UBE4B: variants seen among roughly 807,000 people sequenced by gnomAD.
UBE4B encodes ubiquitin conjugation factor E4 B.
In UBE4B, 27 loss-of-function variants were observed where a neutral mutation model predicts 148.1. The observed-to-expected ratio is 0.18, with a 90% CI of 0.13 to 0.25. The LOEUF (loss-of-function observed/expected upper bound fraction) is 0.25. Ranked by LOEUF, UBE4B falls within the 10% of genes least tolerant of loss-of-function variation. The pLI, the probability that UBE4B is intolerant of heterozygous loss-of-function variation, is 1.00. For synonymous variants in UBE4B, 596 were observed against 619.3 expected (o/e 0.96, Z 0.56); for missense variants, 1,170 against 1,662.4 (o/e 0.70, Z 5.15).
chr1:10,078,934 A>C (rs1644628775), intron 2 of UBE4B, among the ~76,000 whole-genome samples: 3 of 152,150 alleles, frequency 2.0e-5, no homozygotes, highest in Admixed American at 2.0e-4. Context: ...CTCCTGCTTC[A>C]GCCTCAGAAG....
At chr1:10,160,091 T>G (rs77148178) in intron 22 of UBE4B, among the ~76,000 whole-genome samples, 2,659 of 152,320 alleles carry the variant, frequency 0.017, 35 homozygotes, top group Non-Finnish European at 0.027. Context: ...TGTAGCTTCT[T>G]TTTTTCTCTA....
At chr1:10,046,717 T>C (rs12406448) in intron 1 of UBE4B, among the ~76,000 whole-genome samples, 4,954 of 152,264 alleles carry the variant, frequency 0.033, 339 homozygotes, top group Admixed American at 0.16. Context: ...AGATCTGAAG[T>C]GGACATTGGA....
At chr1:10,119,647 G>A (rs554541471) in intron 9 of UBE4B, 34 bp downstream of exon 9, 3 of 1,594,298 alleles carry the variant, frequency 1.9e-6, no homozygotes, top group South Asian at 2.2e-5. Flanking sequence ...GACATTAGCA[G>A]GCAGAGAGCC....
At chr1:10,103,632 G>GT (rs1186811301) in intron 5 of UBE4B, among the ~76,000 whole-genome samples, 3,626 of 106,470 alleles carry the variant, frequency 0.034, 69 homozygotes, top group Non-Finnish European at 0.043. Context: ...TTTTGTTTTT[G>GT]TTTTTTTTTT....
chr1:10,131,596 G>T (rs192205979), intron 14 of UBE4B, among the ~76,000 whole-genome samples: 2 of 152,296 alleles, frequency 1.3e-5, no homozygotes, highest in South Asian at 2.1e-4. Context: ...CCGGCTGGGC[G>T]TGTTGGCTAA....
intron 10 of UBE4B, among the ~76,000 whole-genome samples, chr1:10,126,350 GATA>G (rs1645496637): frequency 6.6e-6 from 1 of 150,880 alleles, no homozygotes; most frequent in Non-Finnish European, 1.5e-5. Flanking sequence ...TAGATAGATA[GATA>G]GAAAGGAGGA....
rs770966208 is a variant in UBE4B, at chr1:10,106,590, A to G, written c.1196+7A>G. On this transcript the variant is annotated splice_region_variant and intron_variant, in intron 7 of 27. Coordinates refer to ENST00000343090, the MANE Select transcript of UBE4B (RefSeq NM_001105562.3). This position sits in a 1 kb window ranked among gnomAD's most constrained non-coding sequence, Gnocchi z 4.2. ...CCCTGAGGATCTCTCCTAGGTATTTATCCCACAGGAGAGTTGCATGTGTGT... is the reference window on the plus strand; with the variant it reads ...CCCTGAGGATCTCTCCTAGGTATTTGTCCCACAGGAGAGTTGCATGTGTGT... The G allele has an allele frequency of 6.5e-7, 1 of 1,534,116 alleles. No individual in the cohort carries two copies.
chr1:10,035,389 GTTTTTTTTTTTT>G (rs533941719), intron 1 of UBE4B, among the ~76,000 whole-genome samples: 10 of 65,822 alleles, frequency 1.5e-4, no homozygotes, highest in Admixed American at 2.2e-4. Flanking sequence ...CAGAGATACT[GTTTTTTTTTTTT>G]TTTTTTTTTT....
At chr1:10,146,399 C>T (rs779885349) in intron 18 of UBE4B, among the ~76,000 whole-genome samples, 13 of 152,054 alleles carry the variant, frequency 8.5e-5, no homozygotes, top group Admixed American at 2.0e-4. Context: ...TTGCAGTGAG[C>T]CAAGATCGCG....
In UBE4B at chr1:10,106,643, C is replaced by T. The variant is rs1177345188; in HGVS notation, c.1196+60C>T. 1.6e-5 allele frequency: 23 copies of T among 1,479,140 alleles called. No homozygotes were observed. Among genetic ancestry groups the T allele is most frequent in the Non-Finnish European group, 1.9e-5 (21 of 1,122,976 alleles). The allele number at this position is 1,479,140 out of a possible 1,614,324, so 91.6% of individuals were successfully genotyped here. A position where few individuals can be genotyped will look rare whatever the true frequency, so the allele number is the denominator to read the frequency against. On this transcript the variant is annotated intron_variant, in intron 7 of 27. Coordinates refer to ENST00000343090, the MANE Select transcript of UBE4B (RefSeq NM_001105562.3). This position sits in a 1 kb window ranked among gnomAD's most constrained non-coding sequence, Gnocchi z 4.2. ...GCGGTGCAGGGAAAGGAGATTAACA[C>T]GGTTTGGAAGAAGTGCTGTGTGACA...
chr1:10,144,423 T>G (rs915560703), intron 17 of UBE4B, among the ~76,000 whole-genome samples: 2 of 152,278 alleles, frequency 1.3e-5, no homozygotes, highest in Middle Eastern at 3.4e-3. Flanking sequence ...GACACATCAT[T>G]GTTTTAGGAA....
At chr1:10,076,741 CTT>C (rs61563451) in intron 2 of UBE4B, among the ~76,000 whole-genome samples, 21 of 105,854 alleles carry the variant, frequency 2.0e-4, no homozygotes, top group African/African-American at 5.4e-4. Context: ...CAGTCCCAGC[CTT>C]TTTTTTTTTT....
intron 1 of UBE4B, among the ~76,000 whole-genome samples, chr1:10,039,974 C>T (rs1643692752): frequency 1.3e-5 from 2 of 151,790 alleles, no homozygotes; most frequent in South Asian, 2.1e-4. Context: ...GTGATTAACC[C>T]AGTTTTGATG....
chr1:10,167,072 C>T (rs1646262066), intron 23 of UBE4B, among the ~76,000 whole-genome samples: 1 of 151,716 alleles, frequency 6.6e-6, no homozygotes, highest in Non-Finnish European at 1.5e-5. Flanking sequence ...GCGGAGGTTA[C>T]AGTGAGCCGA....
intron 3 of UBE4B, among the ~76,000 whole-genome samples, chr1:10,097,204 C>T (rs1297347154): frequency 6.6e-6 from 1 of 151,622 alleles, no homozygotes; most frequent in South Asian, 2.1e-4. Context: ...CAGAACGTAC[C>T]ACAAAGAACA....
intron 7 of UBE4B, among the ~76,000 whole-genome samples, chr1:10,115,732 C>T (rs537162358): frequency 1.3e-5 from 2 of 152,280 alleles, no homozygotes; most frequent in South Asian, 2.1e-4. Context: ...AGTATACTTA[C>T]ACAACCTAGA....
chr1:10,076,247 CTTTT>C (rs369214323), intron 2 of UBE4B, among the ~76,000 whole-genome samples: 38 of 131,650 alleles, frequency 2.9e-4, no homozygotes, highest in African/African-American at 9.5e-4. Flanking sequence ...TTCTTTCTTT[CTTTT>C]TTTTTTTTTT....
intron 20 of UBE4B, 146 bp from the exon 21 acceptor site, chr1:10,151,180 A>C (rs1645970050): frequency 1.5e-6 from 1 of 645,680 alleles, no homozygotes. Context: ...AAAAAAAGTC[A>C]CTGTAAACTG....
intron 1 of UBE4B, among the ~76,000 whole-genome samples, chr1:10,068,425 C>CT (rs1174143553): frequency 5.9e-5 from 9 of 151,568 alleles, no homozygotes; most frequent in Admixed American, 5.3e-4. Flanking sequence ...TCTCAGCTCA[C>CT]TGTGACCTCC....
Sources: gnomAD v4.1 joint callset for allele counts (sites outside exome capture counted in the v4.1 genomes callset) on GRCh38, gnomAD v4.1.1 for gene constraint, Gnocchi (gnomAD v3.1) non-coding constraint, MANE v1.5 for transcripts, NCBI Gene and HGNC (gene_info 2026-07-23, HGNC 2026-07-21) for gene names.